The following EIF4E2 variants were observed in gnomAD, a reference collection of about 807,000 sequenced individuals.
EIF4E2 encodes eukaryotic translation initiation factor 4E family member 2.
In EIF4E2, 13 loss-of-function variants were observed where a neutral mutation model predicts 34.2. That is an observed-to-expected ratio of 0.38 (90% confidence interval 0.25 to 0.60). The LOEUF is 0.60. Ranked by LOEUF, EIF4E2 falls within the 20% of genes least tolerant of loss-of-function variation. EIF4E2 has a pLI of 0.62. For missense variants in EIF4E2, 222 were observed against 315.1 expected (o/e 0.70, Z 2.24); for synonymous variants, 100 against 106.6 (o/e 0.94, Z 0.38).
chr2:232,551,374 G>T (rs140532941), intron 1 of EIF4E2, among the ~76,000 whole-genome samples: 4 of 152,098 alleles, frequency 2.6e-5, no homozygotes, highest in African/African-American at 9.7e-5. Context: ...TGCCCGCTCC[G>T]GTTTCTAGTT....
Position 232,557,913 on chromosome 2 carries a change from CCTG to C in EIF4E2, c.167_169del (p.Leu56del). On this transcript the variant is annotated inframe_deletion, in exon 3 of 7. Transcript: ENST00000258416. Reference sequence around the variant, plus strand: ...TTGTCCCTGGACCGGCAGAGCATCCCCTGCAGTACAACTACACTTTTTGGTACT... The same window carrying C: ...TTGTCCCTGGACCGGCAGAGCATCCCCAGTACAACTACACTTTTTGGTACT... 6.2e-7 allele frequency: 1 copy of C among 1,613,892 alleles called. No individual in the cohort carries two copies. The highest frequency in any genetic ancestry group is 8.5e-7 in the Non-Finnish European group (1 of 1,179,956).
At chr2:232,564,416 G>T in intron 4 of EIF4E2, 65 bp downstream of exon 4, 1 of 855,250 alleles carries the variant, frequency 1.2e-6, no homozygotes, top group Non-Finnish European at 1.8e-6. Context: ...TTGTCTCTTA[G>T]CCCTGCCAAG....
chr2:232,569,039 A>C lies in EIF4E2; in HGVS notation c.*22A>C. On this transcript the variant is annotated 3_prime_UTR_variant, in exon 7 of 7. Coordinates refer to ENST00000258416, the MANE Select transcript of EIF4E2 (RefSeq NM_004846.4). ...ATGACCCTCTCCCTCTCTGGATGGC[A>C]CCATCATTGAAGCTGGCGTCATCGG... is the stretch of plus-strand genomic sequence containing the variant. 1 of 1,613,232 alleles carries C rather than the reference A, an allele frequency of 6.2e-7. No individual in the cohort carries two copies. The highest frequency in any genetic ancestry group is 8.5e-7 in the Non-Finnish European group (1 of 1,179,668).
chr2:232,562,949 A>G (rs963184505), intron 3 of EIF4E2, among the ~76,000 whole-genome samples: 8 of 91,820 alleles, frequency 8.7e-5, no homozygotes, highest in Non-Finnish European at 2.0e-4. Context: ...TTACCATGTA[A>G]GATGCATCAC....
intron 3 of EIF4E2, 129 bp from the exon 4 acceptor site, chr2:232,564,118 C>T: frequency 2.1e-6 from 1 of 474,516 alleles, no homozygotes; most frequent in Non-Finnish European, 3.7e-6. Context: ...GAAAATGAGT[C>T]CTCTGAAAAG....
chr2:232,568,627 A>T (rs1693015146), intron 6 of EIF4E2: 5 of 985,256 alleles, frequency 5.1e-6, no homozygotes, highest in Admixed American at 6.1e-5. Context: ...TAGGAGAGGG[A>T]AAGAGGTATT....
At chr2:232,563,888 T>C (rs1425489278) in intron 3 of EIF4E2, among the ~76,000 whole-genome samples, 2 of 152,220 alleles carry the variant, frequency 1.3e-5, no homozygotes, top group Non-Finnish European at 2.9e-5. Flanking sequence ...AGAGTTTCCA[T>C]TGTGCAAAAA....
intron 6 of EIF4E2, chr2:232,574,361 C>T: frequency 1.3e-6 from 2 of 1,549,772 alleles, no homozygotes; most frequent in Non-Finnish European, 1.7e-6. Flanking sequence ...TGTCTATCTT[C>T]TCTGTAACCC....
chr2:232,577,002 G>C (rs73101865), intron 6 of EIF4E2, among the ~76,000 whole-genome samples: 3,651 of 152,254 alleles, frequency 0.024, 168 homozygotes, highest in African/African-American at 0.083. Context: ...ACTCCTGTTG[G>C]AAATAAGTGT....
At chr2:232,568,642 A>G (rs1467943008) in intron 6 of EIF4E2, 2 of 985,196 alleles carry the variant, frequency 2.0e-6, no homozygotes, top group East Asian at 2.3e-4. Context: ...GGTATTTTTC[A>G]TCAATTCTCC....
chr2:232,576,754 C>T (rs962014562), intron 6 of EIF4E2, among the ~76,000 whole-genome samples: 5 of 152,172 alleles, frequency 3.3e-5, no homozygotes, highest in African/African-American at 9.7e-5. Flanking sequence ...AAGAGATGTT[C>T]GAGAAGATAT....
intron 6 of EIF4E2, among the ~76,000 whole-genome samples, chr2:232,579,163 CACA>C: frequency 7.6e-6 from 1 of 130,720 alleles, no homozygotes; most frequent in East Asian, 2.3e-4. Flanking sequence ...CACACACACA[CACA>C]CCAGTTATGC....
chr2:232,579,639 C>T (rs576637655), intron 6 of EIF4E2, among the ~76,000 whole-genome samples: 11 of 152,288 alleles, frequency 7.2e-5, no homozygotes, highest in African/African-American at 2.6e-4. Context: ...CACATATTTA[C>T]TCTGAACCAA....
At chr2:232,570,424 A>C (rs1254599351), downstream of EIF4E2, among the ~76,000 whole-genome samples, 1 of 152,184 alleles carries the variant, frequency 6.6e-6, no homozygotes, top group Non-Finnish European at 1.5e-5. Context: ...AAATTGTTAC[A>C]TACATTAACT....
At chr2:232,551,165 T>G (rs986669244) in intron 1 of EIF4E2, 5 of 513,408 alleles carry the variant, frequency 9.7e-6, no homozygotes, top group African/African-American at 9.7e-5. Context: ...TTTTCTCATC[T>G]GCAGAGTGGG....
intron 1 of EIF4E2, among the ~76,000 whole-genome samples, chr2:232,555,722 G>A (rs371648530): frequency 2.9e-4 from 44 of 152,298 alleles, no homozygotes; most frequent in African/African-American, 9.4e-4. Context: ...AAATGGCACC[G>A]ATACGGCAAC....
intron 6 of EIF4E2, among the ~76,000 whole-genome samples, chr2:232,577,812 A>G (rs1693258614): frequency 6.6e-6 from 1 of 152,066 alleles, no homozygotes. Context: ...ATTTGCTGTC[A>G]CAGCTTTGCC....
chr2:232,580,710 A>G (rs1300929201), intron 6 of EIF4E2, among the ~76,000 whole-genome samples: 4 of 152,166 alleles, frequency 2.6e-5, no homozygotes, highest in East Asian at 1.9e-4. Context: ...GTTGCAAAAA[A>G]TTGACTGGAA....
intron 3 of EIF4E2, chr2:232,558,742 A>T (rs1365489004): frequency 6.6e-6 from 1 of 152,050 alleles, no homozygotes; most frequent in African/African-American, 2.4e-5. Context: ...AAATTTTGAA[A>T]GTTTTGTATT....
Sources: gnomAD v4.1 joint callset for allele counts (sites outside exome capture counted in the v4.1 genomes callset) on GRCh38, gnomAD v4.1.1 for gene constraint, MANE v1.5 for transcripts, NCBI Gene and HGNC (gene_info 2026-07-23, HGNC 2026-07-21) for gene names.